The following KIRREL3 variants were observed in gnomAD, a reference collection of about 807,000 sequenced individuals.
The protein encoded by KIRREL3 is kirre like nephrin family adhesion molecule 3.
KIRREL3 carries 36 observed loss-of-function variants against 89.7 expected under a neutral mutation model. The ratio of observed to expected loss-of-function variants is 0.40; its 90% CI spans 0.31 to 0.53. KIRREL3 has a LOEUF of 0.53. KIRREL3 is among the 20% of genes least tolerant of loss of function. The pLI, the probability that KIRREL3 is intolerant of heterozygous loss-of-function variation, is 0.49. For missense variants in KIRREL3, 864 were observed against 1,056.6 expected (o/e 0.82, Z 2.53); for synonymous variants, 445 against 441.4 (o/e 1.01, Z -0.10).
chr11:126,838,110 C>T (rs115872844), intron 1 of KIRREL3, among the ~76,000 whole-genome samples: 2,048 of 152,234 alleles, frequency 0.013, 49 homozygotes, highest in African/African-American at 0.047. Context: ...TAATAAGATA[C>T]AGCAACTACA....
At position 126,458,874 on chromosome 11, in the gene KIRREL3, C is replaced by A; in HGVS notation, c.743-2420G>T. ...TCCTCCCACCCCCAGAACCCCGTGACCTCTCCTCGAAGCTGCACCCTAGCT... is the reference window on the plus strand; with the variant it reads ...TCCTCCCACCCCCAGAACCCCGTGAACTCTCCTCGAAGCTGCACCCTAGCT... On this transcript the variant is annotated intron_variant, in intron 6 of 16. Coordinates refer to ENST00000525144, the MANE Select transcript of KIRREL3 (RefSeq NM_032531.4). 2.0e-5 allele frequency among the ~76,000 whole-genome samples: 3 copies of A among 152,226 alleles called. 1 individual carries two copies. Among genetic ancestry groups the A allele is most frequent in the Admixed American group, 1.3e-4 (2 of 15,284 alleles).
Position 126,424,368 on chromosome 11 carries a change from T to C in KIRREL3, c.*212A>G. ...CGCACTCAGCCGCAGCCTCTGTCTGTCTCCCCACCCGCCCACCTCTGGCAC... is the reference window on the plus strand; with the variant it reads ...CGCACTCAGCCGCAGCCTCTGTCTGCCTCCCCACCCGCCCACCTCTGGCAC... On this transcript the variant is annotated 3_prime_UTR_variant, in exon 17 of 17. Coordinates refer to ENST00000525144, the MANE Select transcript of KIRREL3 (RefSeq NM_032531.4). 1 of 495,710 alleles carries C rather than the reference T, an allele frequency of 2.0e-6. No homozygotes were observed. Among genetic ancestry groups the C allele is most frequent in the South Asian group, 2.0e-5 (1 of 49,272 alleles). The allele number at this position is 495,710 out of a possible 1,614,324, so 30.7% of individuals were successfully genotyped here.
chr11:126,592,657 C>T (rs1181917883), intron 1 of KIRREL3, among the ~76,000 whole-genome samples: 3 of 152,222 alleles, frequency 2.0e-5, no homozygotes, highest in South Asian at 2.1e-4. Flanking sequence ...CGGGAAACAG[C>T]GCGCCTGGGG....
chr11:126,818,728 A>G (rs2134446410), intron 1 of KIRREL3, among the ~76,000 whole-genome samples: 1 of 152,182 alleles, frequency 6.6e-6, no homozygotes, highest in Admixed American at 6.5e-5. Context: ...TTATTGATTG[A>G]CAGATATTCT....
Position 126,972,438 on chromosome 11 carries a change from T to A in KIRREL3, c.55+28017A>T, listed in dbSNP as rs181149513. On this transcript the variant is annotated intron_variant, in intron 1 of 16. Transcript: ENST00000525144. ...CTTGCAGCTAGAGTGCAAGCCACCA[T>A]GATTCCGTCACTGCTAATCTGACCC... 1.5e-3 allele frequency among the ~76,000 whole-genome samples: 234 copies of A among 152,024 alleles called. 1 individual carries two copies. Among genetic ancestry groups the A allele is most frequent in the African/African-American group, 5.4e-3 (221 of 41,298 alleles).
intron 4 of KIRREL3, among the ~76,000 whole-genome samples, chr11:126,511,234 T>C (rs1591655116): frequency 6.6e-6 from 1 of 151,590 alleles, no homozygotes; most frequent in Non-Finnish European, 1.5e-5. Context: ...TGAGGCAAGA[T>C]AATTGCTTGA....
chr11:126,681,609 G>GACACACACACACAC (rs56325662), intron 1 of KIRREL3, among the ~76,000 whole-genome samples: 13,576 of 150,304 alleles, frequency 0.09, 613 homozygotes, highest in African/African-American at 0.12. Flanking sequence ...TGTATATACA[G>GACACACACACACAC]ACACACACAC....
intron 1 of KIRREL3, among the ~76,000 whole-genome samples, chr11:126,602,472 T>G (rs1484270836): frequency 6.6e-6 from 1 of 152,206 alleles, no homozygotes; most frequent in Non-Finnish European, 1.5e-5. Flanking sequence ...CACTTGATCC[T>G]CACAACCATC....
intron 4 of KIRREL3, among the ~76,000 whole-genome samples, chr11:126,503,073 T>G (rs1957911543): frequency 6.6e-6 from 1 of 152,214 alleles, no homozygotes; most frequent in Non-Finnish European, 1.5e-5. Flanking sequence ...CTTGATTATT[T>G]TTCCTCCCTC....
intron 1 of KIRREL3, among the ~76,000 whole-genome samples, chr11:126,737,569 C>T (rs911404626): frequency 4.6e-5 from 7 of 152,118 alleles, no homozygotes; most frequent in African/African-American, 9.7e-5. Flanking sequence ...CCTGCTGGTA[C>T]GACGATGGCA....
At chr11:126,542,515 A>T (rs1938449150) in intron 2 of KIRREL3, among the ~76,000 whole-genome samples, 1 of 152,158 alleles carries the variant, frequency 6.6e-6, no homozygotes, top group Non-Finnish European at 1.5e-5. Context: ...GGAATTTTTC[A>T]TACTTAAAAA....
chr11:126,772,333 G>A lies in KIRREL3; in HGVS notation c.56-209421C>T, dbSNP rs1285931105. ...TCTTAAATTCAAGGCAGCTAAGACCGGTTCAGGGACAGAGAACAGCAAGTG... is the reference window on the plus strand; with the variant it reads ...TCTTAAATTCAAGGCAGCTAAGACCAGTTCAGGGACAGAGAACAGCAAGTG... On this transcript the variant is annotated intron_variant, in intron 1 of 16. Transcript: ENST00000525144. This position sits in a 1 kb window ranked among gnomAD's most constrained non-coding sequence, Gnocchi z 4.6. 2.0e-5 allele frequency among the ~76,000 whole-genome samples: 3 copies of A among 152,180 alleles called. No homozygotes were observed. The highest frequency in any genetic ancestry group is 4.4e-5 in the Non-Finnish European group (3 of 68,030).
At position 126,705,587 on chromosome 11, in the gene KIRREL3, C is replaced by T. The variant is rs901993091; in HGVS notation, c.56-142675G>A. ...CTGCAGAACTGTGAGCCAATTAAAC[C>T]TCTTTTCTTTATAAATTATCCCACC... On this transcript the variant is annotated intron_variant, in intron 1 of 16. Transcript: ENST00000525144. This position sits in a 1 kb window ranked among gnomAD's most constrained non-coding sequence, Gnocchi z 4.3. Among the ~76,000 whole-genome samples, 7 of 152,142 alleles carry T rather than the reference C, an allele frequency of 4.6e-5. No homozygotes were observed. Among genetic ancestry groups the T allele is most frequent in the Admixed American group, 2.6e-4 (4 of 15,270 alleles).
rs1940934965 is a variant in KIRREL3 at position 126,571,610 on chromosome 11, G to C, written c.56-8698C>G. ...ATCAAAACTCTATAAGGTAAGTGCT[G>C]TTATTATTCCTATTTGACAGAAGGG... On this transcript the variant is annotated intron_variant, in intron 1 of 16. Transcript: ENST00000525144. The surrounding 1 kb of genome is among the most constrained non-coding windows in gnomAD (Gnocchi z 7.7). 6.6e-6 allele frequency among the ~76,000 whole-genome samples: 1 copy of C among 152,200 alleles called. No homozygotes were observed. Among genetic ancestry groups the C allele is most frequent in the African/African-American group, 2.4e-5 (1 of 41,444 alleles).
In KIRREL3 at chr11:126,491,860, C is replaced by T. The variant is rs1157684676; in HGVS notation, c.434-18394G>A. On this transcript the variant is annotated intron_variant, in intron 4 of 16. Coordinates refer to ENST00000525144, the MANE Select transcript of KIRREL3 (RefSeq NM_032531.4). This position sits in a 1 kb window ranked among gnomAD's most constrained non-coding sequence, Gnocchi z 5.5. ...GGGACTACAGGCGCGCACCACCATG[C>T]CTGGCTAATTTTTGTATTTTTAGTA... 1.3e-5 allele frequency among the ~76,000 whole-genome samples: 2 copies of T among 152,060 alleles called. No individual in the cohort carries two copies. Among genetic ancestry groups the T allele is most frequent in the African/African-American group, 2.4e-5 (1 of 41,378 alleles).
intron 1 of KIRREL3, among the ~76,000 whole-genome samples, chr11:126,737,666 G>C (rs1948849826): frequency 6.6e-6 from 1 of 152,158 alleles, no homozygotes; most frequent in East Asian, 1.9e-4. Flanking sequence ...CTCCAGTAGA[G>C]GGGGGCATTT....
intron 1 of KIRREL3, among the ~76,000 whole-genome samples, chr11:126,720,164 T>A (rs575627735): frequency 6.6e-6 from 1 of 152,356 alleles, no homozygotes; most frequent in African/African-American, 2.4e-5. Context: ...ATTTGTAAAT[T>A]GTCTGAGCTC....
intron 1 of KIRREL3, among the ~76,000 whole-genome samples, chr11:126,845,091 C>T (rs936906469): frequency 6.6e-6 from 1 of 152,172 alleles, no homozygotes; most frequent in Non-Finnish European, 1.5e-5. Context: ...TGATGGGGCC[C>T]AACTGGGGGC....
intron 1 of KIRREL3, among the ~76,000 whole-genome samples, chr11:126,922,117 G>GTCTATCTA (rs1481125852): frequency 3.3e-5 from 4 of 122,560 alleles, no homozygotes; most frequent in South Asian, 2.8e-4. Flanking sequence ...CTATCTATCT[G>GTCTATCTA]TCTGTCTATC....
Sources: gnomAD v4.1 joint callset for allele counts (sites outside exome capture counted in the v4.1 genomes callset) on GRCh38, gnomAD v4.1.1 for gene constraint, Gnocchi (gnomAD v3.1) non-coding constraint, MANE v1.5 for transcripts, NCBI Gene and HGNC (gene_info 2026-07-23, HGNC 2026-07-21) for gene names.